Variants in GFRA3 observed in about 807,000 individuals in gnomAD.
The protein encoded by GFRA3 is GDNF family receptor alpha 3.
A neutral mutation model predicts 40.0 loss-of-function variants in GFRA3; 24 were observed. The observed-to-expected ratio is 0.60, with a 90% CI of 0.43 to 0.84. GFRA3 has a LOEUF of 0.84. Among genes scored for constraint, GFRA3 ranks in the 40% least tolerant of loss-of-function variants. The pLI, the probability that GFRA3 is intolerant of heterozygous loss-of-function variation, is 0.00. For synonymous variants in GFRA3, 203 were observed against 213.5 expected (o/e 0.95, Z 0.43); for missense variants, 405 against 530.6 (o/e 0.76, Z 2.33).
chr5:138,256,104 G>A (rs1200283700), intron 4 of GFRA3, among the ~76,000 whole-genome samples: 2 of 151,190 alleles, frequency 1.3e-5, no homozygotes, highest in Admixed American at 6.6e-5. Flanking sequence ...GGTGGCAGGC[G>A]CCTGTAATCC....
At chr5:138,273,005 T>C (rs528529347) in intron 1 of GFRA3, among the ~76,000 whole-genome samples, 1 of 152,202 alleles carries the variant, frequency 6.6e-6, no homozygotes, top group Non-Finnish European at 1.5e-5. Context: ...GTATCCATTT[T>C]ATAGTTGGAT....
Position 138,252,795 on chromosome 5 carries a change from T to G in GFRA3, c.*173A>C. 3 of 499,794 alleles carry G rather than the reference T, an allele frequency of 6.0e-6. No individual in the cohort carries two copies. The highest frequency in any genetic ancestry group is 1.1e-5 in the Non-Finnish European group (3 of 273,094). 31.0% of individuals were successfully genotyped at this position (499,794 alleles called of 1,614,324 possible). On this transcript the variant is annotated 3_prime_UTR_variant, in exon 8 of 8. Transcript: ENST00000274721. ...GCATGAATCAGAAGTGGAGATGGGG[T>G]GGAGGGAATGAGGACTGGACCAGTA...
At chr5:138,261,352 C>A (rs1755706846) in intron 2 of GFRA3, among the ~76,000 whole-genome samples, 2 of 152,104 alleles carry the variant, frequency 1.3e-5, no homozygotes, top group African/African-American at 4.8e-5. Context: ...GGCCAGTTCC[C>A]AAATGTGGAG....
intron 4 of GFRA3, among the ~76,000 whole-genome samples, chr5:138,255,094 AG>A (rs1755608627): frequency 1.3e-5 from 2 of 149,862 alleles, no homozygotes; most frequent in South Asian, 2.1e-4. Flanking sequence ...AGAGAAAGAG[AG>A]AGGAAGGAAA....
chr5:138,261,394 A>G (rs910667210), intron 2 of GFRA3, among the ~76,000 whole-genome samples: 3 of 152,196 alleles, frequency 2.0e-5, no homozygotes, highest in Non-Finnish European at 2.9e-5. Context: ...CAGGACTTCC[A>G]GGATTAAGAA....
intron 1 of GFRA3, among the ~76,000 whole-genome samples, chr5:138,270,298 G>T (rs1274715742): frequency 6.6e-6 from 1 of 151,408 alleles, no homozygotes; most frequent in Non-Finnish European, 1.5e-5. Flanking sequence ...CGCGAACCCG[G>T]GAGGCGGAGC....
At chr5:138,257,529 T>C (rs1055144257) in intron 4 of GFRA3, 110 bp downstream of exon 4, 7 of 831,264 alleles carry the variant, frequency 8.4e-6, no homozygotes, top group Middle Eastern at 3.2e-4. Context: ...AAGCAGCCAG[T>C]GGGTCCACGG....
rs1200451693 is a variant in GFRA3, at chr5:138,257,802, C to A, written c.622G>T (p.Ala208Ser). 13 of 1,613,204 alleles carry A rather than the reference C, an allele frequency of 8.1e-6. No individual in the cohort carries two copies. The highest frequency in any genetic ancestry group is 2.2e-5 in the South Asian group (2 of 91,036). ...AGCAGGCCCTGCGCGTGGGGCTCGG[C>A]GGCCTTCTCGAAGAAAGTGAGCAGC... ...RQLLTFFEKA[A>S]EPHAQGLLLC... The change falls in exon 4 of 8, where the codon GCC becomes TCC. Residue 208 changes from alanine to serine, a missense_variant. Transcript: ENST00000274721.
chr5:138,262,378 G>A lies in GFRA3; in HGVS notation c.379+1883C>T, dbSNP rs113983036. 1.1e-3 allele frequency among the ~76,000 whole-genome samples: 166 copies of A among 152,262 alleles called. 3 individuals are homozygous for A. Among genetic ancestry groups the A allele is most frequent in the African/African-American group, 3.8e-3 (156 of 41,556 alleles). On this transcript the variant is annotated intron_variant, in intron 2 of 7. Coordinates refer to ENST00000274721, the MANE Select transcript of GFRA3 (RefSeq NM_001496.4). ...GAACAATCCCTATTCCCAGGGAAGAGGACCCTTACAACATTTGTCTAGCAG... is the reference window on the plus strand; with the variant it reads ...GAACAATCCCTATTCCCAGGGAAGAAGACCCTTACAACATTTGTCTAGCAG...
At position 138,268,409 on chromosome 5, in the gene GFRA3, CAA is replaced by C. The variant is rs59137747; in HGVS notation, c.92-3863_92-3862del. Reference sequence around the variant, plus strand: ...CATGACCAAAACCCAAAAGCAAATGCAAAAAAAAAAAAAAAAAGATAAATAGC... The same window carrying C: ...CATGACCAAAACCCAAAAGCAAATGCAAAAAAAAAAAAAAAGATAAATAGC... On this transcript the variant is annotated intron_variant, in intron 1 of 7. Transcript: ENST00000274721. Among the ~76,000 whole-genome samples the C allele has an allele frequency of 6.9e-3, 797 of 116,076 alleles. 2 individuals are homozygous for C. The highest frequency in any genetic ancestry group is 9.5e-3 in the South Asian group (34 of 3,572). The allele number at this position is 116,076 out of a possible 152,430, so 76.2% of individuals were successfully genotyped here. A position where few individuals can be genotyped will look rare whatever the true frequency, so the allele number is the denominator to read the frequency against.
chr5:138,257,627 C>A lies in GFRA3; in HGVS notation c.785+12G>T. 6.2e-7 allele frequency: 1 copy of A among 1,603,860 alleles called. No homozygotes were observed. The highest frequency in any genetic ancestry group is 1.3e-5 in the African/African-American group (1 of 74,862). Reference sequence around the variant, plus strand: ...CTCATCCCTGCCCACCCTGTCCTCCCAAACTACACACCTGCAAAGCGGGTC... The same window carrying A: ...CTCATCCCTGCCCACCCTGTCCTCCAAAACTACACACCTGCAAAGCGGGTC... On this transcript the variant is annotated intron_variant, in intron 4 of 7. Coordinates refer to ENST00000274721, the MANE Select transcript of GFRA3 (RefSeq NM_001496.4).
chr5:138,256,554 CAAAAAAAAAAACA>C (rs1386341064), intron 4 of GFRA3, among the ~76,000 whole-genome samples: 48 of 139,462 alleles, frequency 3.4e-4, no homozygotes, highest in African/African-American at 1.2e-3. Context: ...AAAAAACAAA[CAAAAAAAAAAACA>C]AAACAAAAAC....
At chr5:138,269,679 T>C (rs542121863) in intron 1 of GFRA3, among the ~76,000 whole-genome samples, 3 of 150,752 alleles carry the variant, frequency 2.0e-5, no homozygotes, top group Non-Finnish European at 3.0e-5. Flanking sequence ...CCATCTCCAC[T>C]ACAAATACAA....
intron 1 of GFRA3, among the ~76,000 whole-genome samples, chr5:138,268,366 T>C (rs1219016180): frequency 6.8e-6 from 1 of 147,602 alleles, no homozygotes; most frequent in Non-Finnish European, 1.5e-5. Context: ...TTCTAGACCT[T>C]GACTTACGCA....
In GFRA3 at chr5:138,253,276, G is replaced by A. The variant is rs767064107; in HGVS notation, c.1113+11C>T. 2.6e-6 allele frequency: 4 copies of A among 1,543,786 alleles called. No individual in the cohort carries two copies. The highest frequency in any genetic ancestry group is 3.5e-6 in the Non-Finnish European group (4 of 1,127,808). ...GTAAAGGTCTGAGGGGTGTAACAGA[G>A]GAGGCCCTACCTGGTGTGCCATCAC... On this transcript the variant is annotated intron_variant, in intron 7 of 7. Transcript: ENST00000274721.
chr5:138,252,460 T>A lies in GFRA3; in HGVS notation c.*508A>T, dbSNP rs10036665. On this transcript the variant is annotated 3_prime_UTR_variant, in exon 8 of 8. Transcript: ENST00000274721. ...TAGGAATAAAGCAAGGCCCACAGGC[T>A]CCAGCTCCTGATGCCCAGATGTTCG... is the stretch of plus-strand genomic sequence containing the variant. 0.16 allele frequency: 24,495 copies of A among 154,162 alleles called. 2,105 individuals are homozygous for A. The highest frequency in any genetic ancestry group is 0.19 in the Middle Eastern group (56 of 302). 9.5% of individuals were successfully genotyped at this position (154,162 alleles called of 1,614,324 possible). A position where few individuals can be genotyped will look rare whatever the true frequency, so the allele number is the denominator to read the frequency against.
In GFRA3 at chr5:138,253,294, G is replaced by A; in HGVS notation, c.1106C>T (p.Ala369Val). The A allele has an allele frequency of 6.3e-7, 1 of 1,588,560 alleles. No individual in the cohort carries two copies. Among genetic ancestry groups the A allele is most frequent in the Non-Finnish European group, 8.6e-7 (1 of 1,163,980 alleles). The change falls in exon 7 of 8, where the codon GCA becomes GTA. Residue 369 changes from alanine to valine, a missense_variant. By Grantham distance (64) the Ala-to-Val change is moderately conservative. Coordinates refer to ENST00000274721, the MANE Select transcript of GFRA3 (RefSeq NM_001496.4). ...TAACAGAGGAGGCCCTACCTGGTGTGCCATCACAGCAAAGGTAGGGTGTGG... is the reference window on the plus strand; with the variant it reads ...TAACAGAGGAGGCCCTACCTGGTGTACCATCACAGCAAAGGTAGGGTGTGG... ...DWPHPTFAVM[A>V]HQNENPAVRP...
intron 1 of GFRA3, among the ~76,000 whole-genome samples, chr5:138,268,246 C>G (rs1459935569): frequency 7.0e-6 from 1 of 143,096 alleles, no homozygotes; most frequent in African/African-American, 2.6e-5. Context: ...GACTGTGCCA[C>G]TGCACTCCAG....
In GFRA3 at chr5:138,252,962, G is replaced by A. The variant is rs927771943; in HGVS notation, c.*6C>T. 1.9e-6 allele frequency: 3 copies of A among 1,549,724 alleles called. No individual in the cohort carries two copies. The highest frequency in any genetic ancestry group is 2.2e-5 in the East Asian group (1 of 44,580). On this transcript the variant is annotated 3_prime_UTR_variant, in exon 8 of 8. Coordinates refer to ENST00000274721, the MANE Select transcript of GFRA3 (RefSeq NM_001496.4). ...TGGAGGGGAAGAGGGCCCTGGGGAA[G>A]TCCAGCTACCATAGGCTCAGGAGCA...
Sources: allele counts gnomAD v4.1 joint callset (sites outside exome capture counted in the v4.1 genomes callset), GRCh38; gene constraint gnomAD v4.1.1; transcripts MANE v1.5; gene names NCBI Gene and HGNC (gene_info 2026-07-23, HGNC 2026-07-21).